ILRUN: variants seen among roughly 807,000 people sequenced by gnomAD.
ILRUN encodes the protein protein ILRUN.
In ILRUN, 3 loss-of-function variants were observed where a neutral mutation model predicts 33.8. That is an observed-to-expected ratio of 0.09 (90% CI 0.04 to 0.23). The LOEUF is 0.23. Ranked by LOEUF, ILRUN falls within the 10% of genes least tolerant of loss-of-function variation. The pLI is 1.00. For synonymous variants in ILRUN, 124 were observed against 138.9 expected, an observed-to-expected ratio of 0.89 and a Z score of 0.75; for missense variants, 210 against 375.1, an observed-to-expected ratio of 0.56 and a Z score of 3.64.
At chr6:34,639,231 T>C (rs1170384216) in intron 3 of ILRUN, among the ~76,000 whole-genome samples, 3 of 152,166 alleles carry the variant, frequency 2.0e-5, no homozygotes, top group East Asian at 1.9e-4. Flanking sequence ...AAATGAATAA[T>C]GCATAGGTTA....
chr6:34,656,160 C>T (rs1404462536), intron 1 of ILRUN, among the ~76,000 whole-genome samples: 2 of 148,856 alleles, frequency 1.3e-5, no homozygotes, highest in East Asian at 2.0e-4. Context: ...CGCTTGAACC[C>T]GAGAGGTGGA....
intron 3 of ILRUN, among the ~76,000 whole-genome samples, chr6:34,618,692 T>A (rs1761949187): frequency 6.6e-6 from 1 of 152,190 alleles, no homozygotes; most frequent in Non-Finnish European, 1.5e-5. Flanking sequence ...GATGCCTTCC[T>A]CTCTTCCTCC....
chr6:34,631,042 C>T (rs1020111254), intron 3 of ILRUN, among the ~76,000 whole-genome samples: 1 of 152,098 alleles, frequency 6.6e-6, no homozygotes, highest in African/African-American at 2.4e-5. Flanking sequence ...CTACTTTTTC[C>T]ATTGAAGAAC....
In ILRUN at chr6:34,651,958, A is replaced by G. The variant is rs534059713; in HGVS notation, c.313+2667T>C. Among the ~76,000 whole-genome samples the G allele has an allele frequency of 5.7e-4, 87 of 152,006 alleles. No homozygotes were observed. In the South Asian group the frequency reaches 0.017, roughly 29 times the overall value. On this transcript the variant is annotated intron_variant, in intron 2 of 4. Coordinates refer to ENST00000374023, the MANE Select transcript of ILRUN (RefSeq NM_024294.4). ...CAGGCATGCAACACCATGCCCAGCT[A>G]ATTTTTTGTATTTTTAGTAGACGGG...
At position 34,606,794 on chromosome 6, in the gene ILRUN, C is replaced by T. The variant is rs1391253701; in HGVS notation, c.622G>A (p.Gly208Arg). The change falls in exon 4 of 5, where the codon GGA (glycine) becomes AGA (arginine). Residue 208 changes from glycine to arginine, a missense_variant. By Grantham distance (125) the Gly-to-Arg change is moderately radical. Around this residue, in one of 4 missense-constraint regions of ILRUN, gnomAD observed 60 missense variants for 138.1 expected, o/e 0.43. Coordinates refer to ENST00000374023, the MANE Select transcript of ILRUN (RefSeq NM_024294.4). ...FNTQPHRKVEGNFNPFASPQK... is the reference protein window; with the variant it reads ...FNTQPHRKVERNFNPFASPQK... Reference sequence around the variant, plus strand: ...GGAGAGGCAAAAGGGTTGAAGTTTCCTTCTACCTTACGATGCGGCTGTGTG... The same window carrying T: ...GGAGAGGCAAAAGGGTTGAAGTTTCTTTCTACCTTACGATGCGGCTGTGTG... The T allele has an allele frequency of 1.9e-6, 3 of 1,613,980 alleles. No homozygotes were observed. Among genetic ancestry groups the T allele is most frequent in the Admixed American group, 3.3e-5 (2 of 59,992 alleles).
At chr6:34,694,885 T>C (rs1763725002) in intron 1 of ILRUN, among the ~76,000 whole-genome samples, 1 of 151,738 alleles carries the variant, frequency 6.6e-6, no homozygotes, top group East Asian at 1.9e-4. Flanking sequence ...CCACCTCTAC[T>C]AAAAATACAA....
intron 4 of ILRUN, among the ~76,000 whole-genome samples, chr6:34,604,875 T>C (rs552306207): frequency 3.3e-5 from 5 of 152,350 alleles, no homozygotes; most frequent in African/African-American, 1.2e-4. Context: ...AAGTCTTTCC[T>C]ACTAGACCAT....
intron 1 of ILRUN, among the ~76,000 whole-genome samples, chr6:34,662,493 G>A (rs1218388255): frequency 6.6e-6 from 1 of 152,104 alleles, no homozygotes; most frequent in East Asian, 1.9e-4. Flanking sequence ...AGCAACCCAA[G>A]TGTCCACTGA....
chr6:34,672,105 C>A (rs1199941011), intron 1 of ILRUN: 1 of 152,086 alleles, frequency 6.6e-6, no homozygotes, highest in Non-Finnish European at 1.5e-5. Context: ...ATAGCTTCCA[C>A]CCCCTTTTTT....
At chr6:34,649,211 T>A (rs1429670657) in intron 2 of ILRUN, among the ~76,000 whole-genome samples, 1 of 152,226 alleles carries the variant, frequency 6.6e-6, no homozygotes. Flanking sequence ...TTATCAATGA[T>A]ACATACAATT....
At chr6:34,629,981 G>A (rs145624741) in intron 3 of ILRUN, among the ~76,000 whole-genome samples, 2 of 152,230 alleles carry the variant, frequency 1.3e-5, no homozygotes, top group East Asian at 3.9e-4. Context: ...ATTAGGCCCA[G>A]TAAGAGGTTA....
intron 3 of ILRUN, among the ~76,000 whole-genome samples, chr6:34,615,596 A>T (rs1248338436): frequency 6.6e-6 from 1 of 152,130 alleles, no homozygotes. Context: ...ACTCCATCTT[A>T]AACAAAAACA....
At chr6:34,671,215 T>C (rs1004909913) in intron 1 of ILRUN, among the ~76,000 whole-genome samples, 1 of 152,060 alleles carries the variant, frequency 6.6e-6, no homozygotes, top group African/African-American at 2.4e-5. Context: ...AAGACCAGCC[T>C]GGGCAACAAA....
intron 1 of ILRUN, among the ~76,000 whole-genome samples, chr6:34,663,288 T>C (rs1762926651): frequency 6.6e-6 from 1 of 151,992 alleles, no homozygotes; most frequent in South Asian, 2.1e-4. Flanking sequence ...CTGGGTATAG[T>C]GGCGCGTGCC....
At chr6:34,653,764 A>C (rs2127365017) in intron 2 of ILRUN, among the ~76,000 whole-genome samples, 1 of 151,992 alleles carries the variant, frequency 6.6e-6, no homozygotes, top group Admixed American at 6.6e-5. Context: ...CTTGAGCCCA[A>C]GAGTTCGAGA....
At chr6:34,604,272 A>C (rs1359514737) in intron 4 of ILRUN, among the ~76,000 whole-genome samples, 1 of 152,220 alleles carries the variant, frequency 6.6e-6, no homozygotes, top group Non-Finnish European at 1.5e-5. Flanking sequence ...ACCTTAATTA[A>C]AGCTGGCAGA....
chr6:34,677,873 CAGGAGGTCG>C (rs542781116), intron 1 of ILRUN, among the ~76,000 whole-genome samples: 112 of 145,316 alleles, frequency 7.7e-4, no homozygotes, highest in Middle Eastern at 3.6e-3. Flanking sequence ...CAGTTAAGCC[CAGGAGGTCG>C]AGGCTGCAGT....
At chr6:34,665,292 C>CAA (rs60761039) in intron 1 of ILRUN, among the ~76,000 whole-genome samples, 1,001 of 76,326 alleles carry the variant, frequency 0.013, 14 homozygotes, top group African/African-American at 0.029. Flanking sequence ...CCCTTTTCTA[C>CAA]AAAAAAAAAA....
intron 3 of ILRUN, among the ~76,000 whole-genome samples, chr6:34,623,836 C>A (rs57994417): frequency 0.062 from 9,392 of 152,070 alleles, 499 homozygotes; most frequent in East Asian, 0.31. Context: ...TCCAATACTT[C>A]TTTTTCTTTT....
Sources: gnomAD v4.1 joint callset for allele counts (sites outside exome capture counted in the v4.1 genomes callset) on GRCh38, gnomAD v4.1.1 for gene constraint, gnomAD v4.1.1 regional missense constraint, MANE v1.5 for transcripts, NCBI Gene and HGNC (gene_info 2026-07-23, HGNC 2026-07-21) for gene names.